The following KCNH7 variants were observed in gnomAD, a reference collection of about 807,000 sequenced individuals.
KCNH7 encodes the protein voltage-gated inwardly rectifying potassium channel KCNH7.
KCNH7 carries 49 observed loss-of-function variants against 120.8 expected under a neutral mutation model. The observed-to-expected ratio is 0.41, with a 90% CI of 0.32 to 0.51. The LOEUF (loss-of-function observed/expected upper bound fraction) is 0.51. Among genes scored for constraint, KCNH7 ranks in the 20% least tolerant of loss-of-function variants. KCNH7 has a pLI of 0.38. For missense variants in KCNH7, 1,097 were observed against 1,446.6 expected (o/e 0.76, Z 3.92); for synonymous variants, 547 against 516.1 (o/e 1.06, Z -0.81).
intron 8 of KCNH7, among the ~76,000 whole-genome samples, chr2:162,428,067 T>C (rs2105502686): frequency 6.6e-6 from 1 of 151,986 alleles, no homozygotes; most frequent in East Asian, 1.9e-4. Flanking sequence ...GCTTGCCTTT[T>C]ACTAGCTTCT....
At chr2:162,632,385 A>T (rs1274100763) in intron 2 of KCNH7, among the ~76,000 whole-genome samples, 2 of 151,976 alleles carry the variant, frequency 1.3e-5, no homozygotes, top group African/African-American at 4.8e-5. Flanking sequence ...TAATTATAGA[A>T]GTATATCAAA....
At chr2:162,408,527 G>A (rs890092185) in intron 9 of KCNH7, among the ~76,000 whole-genome samples, 9 of 151,960 alleles carry the variant, frequency 5.9e-5, no homozygotes, top group African/African-American at 2.2e-4. Flanking sequence ...TAAAACAGCT[G>A]TGTGTGCTCC....
At chr2:162,415,667 C>T (rs80147541) in intron 9 of KCNH7, among the ~76,000 whole-genome samples, 46 of 152,046 alleles carry the variant, frequency 3.0e-4, no homozygotes, top group African/African-American at 1.1e-3. Flanking sequence ...TTATGACAAC[C>T]AATCATTAAT....
chr2:162,510,762 TA>T (rs1362147481), intron 5 of KCNH7, among the ~76,000 whole-genome samples: 10 of 151,804 alleles, frequency 6.6e-5, no homozygotes, highest in African/African-American at 2.4e-4. Context: ...CAAAAGAATT[TA>T]AAATGCACAC....
chr2:162,787,681 G>T (rs756370685), intron 2 of KCNH7, among the ~76,000 whole-genome samples: 4 of 152,136 alleles, frequency 2.6e-5, no homozygotes, highest in Non-Finnish European at 5.9e-5. Context: ...GGACCAGCCC[G>T]GCCCCCACTG....
At chr2:162,744,175 A>G (rs1559111649) in intron 2 of KCNH7, among the ~76,000 whole-genome samples, 3 of 152,184 alleles carry the variant, frequency 2.0e-5, no homozygotes, top group Non-Finnish European at 4.4e-5. Context: ...TCTGACAAAC[A>G]TGCCTGACTA....
intron 6 of KCNH7, among the ~76,000 whole-genome samples, chr2:162,499,895 G>A (rs1036405048): frequency 1.3e-5 from 2 of 151,852 alleles, no homozygotes; most frequent in Non-Finnish European, 2.9e-5. Context: ...GCACTTAAGG[G>A]TTTATATTCC....
At chr2:162,473,231 A>G (rs1032680814) in intron 6 of KCNH7, among the ~76,000 whole-genome samples, 3 of 152,076 alleles carry the variant, frequency 2.0e-5, no homozygotes, top group African/African-American at 7.2e-5. Flanking sequence ...TTAAAAATAA[A>G]TAAAAATAAA....
chr2:162,468,623 C>T lies in KCNH7; in HGVS notation c.1129-22180G>A, dbSNP rs191087692. Reference sequence around the variant, plus strand: ...GCAACCTCCGCCTCCCAGGCTCAAGCGATTCTCCTGCCTCAGCCTTCCAAA... The same window carrying T: ...GCAACCTCCGCCTCCCAGGCTCAAGTGATTCTCCTGCCTCAGCCTTCCAAA... On this transcript the variant is annotated intron_variant, in intron 6 of 15. Transcript: ENST00000332142. Among the ~76,000 whole-genome samples the T allele has an allele frequency of 6.8e-4, 100 of 146,870 alleles. 2 individuals are homozygous for T. The East Asian group carries it at 0.013, about 18-fold the overall frequency.
intron 6 of KCNH7, among the ~76,000 whole-genome samples, chr2:162,481,705 T>G (rs570650223): frequency 6.6e-6 from 1 of 152,314 alleles, no homozygotes; most frequent in South Asian, 2.1e-4. Context: ...AATGAATACA[T>G]GAGGTTGTTA....
intron 9 of KCNH7, among the ~76,000 whole-genome samples, chr2:162,402,820 C>T (rs1687104056): frequency 6.6e-6 from 1 of 151,486 alleles, no homozygotes; most frequent in South Asian, 2.1e-4. Context: ...TGTGTGTGTG[C>T]ATGCACATAC....
chr2:162,517,521 T>A (rs1482388824), intron 4 of KCNH7, among the ~76,000 whole-genome samples: 1 of 151,712 alleles, frequency 6.6e-6, no homozygotes, highest in Non-Finnish European at 1.5e-5. Flanking sequence ...GAAATACAGA[T>A]AAAGAAGCCA....
At chr2:162,835,271 T>G (rs566284429) in intron 2 of KCNH7, among the ~76,000 whole-genome samples, 1 of 152,104 alleles carries the variant, frequency 6.6e-6, no homozygotes. Flanking sequence ...TTGTAACCAC[T>G]CAACTTCATG....
chr2:162,633,451 G>T (rs1468307505), intron 2 of KCNH7, among the ~76,000 whole-genome samples: 3 of 151,864 alleles, frequency 2.0e-5, no homozygotes, highest in Non-Finnish European at 4.4e-5. Flanking sequence ...CGTTAATGAT[G>T]ATAAAACACT....
At chr2:162,820,109 A>G (rs1685060207) in intron 2 of KCNH7, among the ~76,000 whole-genome samples, 1 of 133,756 alleles carries the variant, frequency 7.5e-6, no homozygotes, top group African/African-American at 2.9e-5. Context: ...GCGCTATCTC[A>G]GCTCACTGCA....
intron 6 of KCNH7, among the ~76,000 whole-genome samples, chr2:162,503,834 G>T (rs1044051730): frequency 6.6e-6 from 1 of 152,022 alleles, no homozygotes; most frequent in Non-Finnish European, 1.5e-5. Flanking sequence ...TTGGTATATT[G>T]ATATAATAAG....
chr2:162,679,060 A>T lies in KCNH7; in HGVS notation c.308-141980T>A, dbSNP rs535966795. Among the ~76,000 whole-genome samples, 18 of 151,794 alleles carry T rather than the reference A, an allele frequency of 1.2e-4. No individual in the cohort carries two copies. In the South Asian group the frequency reaches 3.5e-3, roughly 30 times the overall value. ...GAGGCAAAATTTGAAATAACAGGTC[A>T]CAGGTGTGAAACTGGAAAGAGCAGC... On this transcript the variant is annotated intron_variant, in intron 2 of 15. Coordinates refer to ENST00000332142, the MANE Select transcript of KCNH7 (RefSeq NM_033272.4).
chr2:162,749,171 T>G (rs1688455184), intron 2 of KCNH7, among the ~76,000 whole-genome samples: 1 of 150,574 alleles, frequency 6.6e-6, no homozygotes, highest in African/African-American at 2.4e-5. Context: ...TTTCCACCCC[T>G]TTCTTCTCTT....
At chr2:162,378,358 A>G (rs1203782917) in intron 14 of KCNH7, among the ~76,000 whole-genome samples, 1 of 152,222 alleles carries the variant, frequency 6.6e-6, no homozygotes, top group Non-Finnish European at 1.5e-5. Flanking sequence ...AAGTACAGTG[A>G]TAGCATTTTG....
Sources: gnomAD v4.1 joint callset for allele counts (sites outside exome capture counted in the v4.1 genomes callset) on GRCh38, gnomAD v4.1.1 for gene constraint, MANE v1.5 for transcripts, NCBI Gene and HGNC (gene_info 2026-07-23, HGNC 2026-07-21) for gene names.